GLCE: variants seen among roughly 807,000 people sequenced by gnomAD.
GLCE encodes the protein glucuronic acid epimerase.
In GLCE, 19 loss-of-function variants were observed where a neutral mutation model predicts 47.9. The ratio of observed to expected loss-of-function variants is 0.40; its 90% CI spans 0.28 to 0.58. The LOEUF (loss-of-function observed/expected upper bound fraction) is 0.58, where lower values mean the gene tolerates loss of function less well. GLCE is among the 20% of genes least tolerant of loss of function. The pLI, the probability that GLCE is intolerant of heterozygous loss-of-function variation, is 0.48. For missense variants in GLCE, 556 were observed against 743.3 expected, an observed-to-expected ratio of 0.75 and a Z score of 2.93; for synonymous variants, 245 against 263.4, an observed-to-expected ratio of 0.93 and a Z score of 0.68.
At chr15:69,177,211 G>T (rs893357900) in intron 1 of GLCE, among the ~76,000 whole-genome samples, 8 of 151,588 alleles carry the variant, frequency 5.3e-5, no homozygotes, top group Non-Finnish European at 8.8e-5. Context: ...TAGAGACGGG[G>T]TTTCACCACG....
At chr15:69,255,330 G>A (rs898820732) in intron 2 of GLCE, among the ~76,000 whole-genome samples, 4 of 152,126 alleles carry the variant, frequency 2.6e-5, no homozygotes, top group East Asian at 1.9e-4. Context: ...AAGCATCAAC[G>A]TGATGCTCTA....
chr15:69,174,774 A>G (rs2051637394), intron 1 of GLCE, among the ~76,000 whole-genome samples: 1 of 152,080 alleles, frequency 6.6e-6, no homozygotes, highest in South Asian at 2.1e-4. Flanking sequence ...CATGACCTTC[A>G]TATTTTTTTA....
At chr15:69,176,131 T>A (rs1468040394) in intron 1 of GLCE, among the ~76,000 whole-genome samples, 2 of 151,652 alleles carry the variant, frequency 1.3e-5, no homozygotes, top group African/African-American at 4.8e-5. Flanking sequence ...TTATTTGGCA[T>A]GGGATGTGAT....
chr15:69,185,622 C>A (rs367636371), intron 1 of GLCE, among the ~76,000 whole-genome samples: 1 of 151,834 alleles, frequency 6.6e-6, no homozygotes, highest in Admixed American at 6.6e-5. Flanking sequence ...GTTAGTGTAG[C>A]GAAAACTCTC....
chr15:69,251,364 C>G (rs1233909567), intron 2 of GLCE, among the ~76,000 whole-genome samples: 2 of 152,172 alleles, frequency 1.3e-5, no homozygotes, highest in Non-Finnish European at 1.5e-5. Context: ...GATCTTTTCA[C>G]TGTCAAGTTT....
In GLCE at chr15:69,231,847, C is replaced by T. The variant is rs1431608242; in HGVS notation, c.-14+21441C>T. ...CCCTGTCACTACTCAGGCTGGAGTG[C>T]AATGGCATGATCTCTGCTCACTGCA... is the stretch of plus-strand genomic sequence containing the variant. On this transcript the variant is annotated intron_variant, in intron 2 of 4. Transcript: ENST00000261858. Among the ~76,000 whole-genome samples the T allele has an allele frequency of 3.3e-5, 5 of 152,234 alleles. No homozygotes were observed. The East Asian group carries it at 9.7e-4, about 29-fold the overall frequency.
intron 1 of GLCE, among the ~76,000 whole-genome samples, chr15:69,189,352 C>G (rs1226474867): frequency 6.6e-6 from 1 of 152,136 alleles, no homozygotes; most frequent in East Asian, 1.9e-4. Flanking sequence ...TCTTGCATGT[C>G]TTTTCATGCA....
intron 2 of GLCE, among the ~76,000 whole-genome samples, chr15:69,248,644 T>A (rs895118005): frequency 2.0e-5 from 3 of 152,144 alleles, no homozygotes; most frequent in Non-Finnish European, 2.9e-5. Flanking sequence ...GGCACAGTTT[T>A]TTTTTGCCCC....
intron 1 of GLCE, among the ~76,000 whole-genome samples, chr15:69,194,900 A>T (rs1032509577): frequency 6.6e-5 from 10 of 152,196 alleles, no homozygotes; most frequent in African/African-American, 2.4e-4. Context: ...GAAGATTCTT[A>T]TATAGTCTTT....
chr15:69,210,941 G>T (rs1191347550), intron 2 of GLCE, among the ~76,000 whole-genome samples: 1 of 152,066 alleles, frequency 6.6e-6, no homozygotes, highest in Non-Finnish European at 1.5e-5. Flanking sequence ...GCTGACCCTT[G>T]GCCTAGAAAA....
intron 2 of GLCE, among the ~76,000 whole-genome samples, chr15:69,214,050 T>C (rs2052269499): frequency 6.6e-6 from 1 of 152,108 alleles, no homozygotes; most frequent in African/African-American, 2.4e-5. Flanking sequence ...CTTTCTGACT[T>C]TATGAGATGC....
chr15:69,194,704 TCTAAAACATTGATC>T, intron 1 of GLCE, among the ~76,000 whole-genome samples: 1 of 152,316 alleles, frequency 6.6e-6, no homozygotes, highest in South Asian at 2.1e-4. Flanking sequence ...CAGGGGTTGT[TCTAAAACATTGATC>T]CTGTGTGCAG....
Position 69,268,521 on chromosome 15 carries a change from C to T in GLCE, c.1131C>T (p.Pro377=). Residue 377 remains proline (P), a synonymous_variant, in exon 5 of 5, where the codon CCC becomes CCT. Coordinates refer to ENST00000261858, the MANE Select transcript of GLCE (RefSeq NM_015554.3). ...CTGTCAAGCCAACCAAAATAATGCC[C>T]AAGAAGGTGGTTAGGTTGATTGCAA... ...TKAVKPTKIM[P]KKVVRLIAKG... 1 of 1,614,110 alleles carries T rather than the reference C, an allele frequency of 6.2e-7. No homozygotes were observed.
At chr15:69,258,490 G>A (rs2052965474) in intron 3 of GLCE, among the ~76,000 whole-genome samples, 1 of 152,100 alleles carries the variant, frequency 6.6e-6, no homozygotes, top group Non-Finnish European at 1.5e-5. Context: ...TTGTAGTAAG[G>A]ACATGCCATG....
At chr15:69,196,177 G>A (rs1191420583) in intron 1 of GLCE, among the ~76,000 whole-genome samples, 1 of 152,114 alleles carries the variant, frequency 6.6e-6, no homozygotes, top group African/African-American at 2.4e-5. Flanking sequence ...TTTGAGGAAA[G>A]TGTGTGCCTA....
At chr15:69,209,284 A>T (rs146359215) in intron 1 of GLCE, among the ~76,000 whole-genome samples, 1 of 152,102 alleles carries the variant, frequency 6.6e-6, no homozygotes, top group East Asian at 1.9e-4. Flanking sequence ...TTCCTGTGCA[A>T]GTTGAGTTTT....
intron 4 of GLCE, among the ~76,000 whole-genome samples, chr15:69,264,370 G>A (rs2053056307): frequency 6.6e-6 from 1 of 152,018 alleles, no homozygotes; most frequent in African/African-American, 2.4e-5. Context: ...GTATGTGTGT[G>A]TGTATACACA....
At chr15:69,255,044 A>G (rs2052901695) in intron 2 of GLCE, among the ~76,000 whole-genome samples, 1 of 152,184 alleles carries the variant, frequency 6.6e-6, no homozygotes, top group East Asian at 1.9e-4. Flanking sequence ...TGGGAAGAAA[A>G]TGTTTCAAGA....
chr15:69,231,775 T>C (rs2052525750), intron 2 of GLCE, among the ~76,000 whole-genome samples: 1 of 152,078 alleles, frequency 6.6e-6, no homozygotes, highest in Admixed American at 6.6e-5. Flanking sequence ...TTCAGATATC[T>C]ATCTATCTTT....
Sources: allele counts gnomAD v4.1 joint callset (sites outside exome capture counted in the v4.1 genomes callset), GRCh38; gene constraint gnomAD v4.1.1; transcripts MANE v1.5; gene names NCBI Gene and HGNC (gene_info 2026-07-23, HGNC 2026-07-21).